The following DNAH9 variants were observed in gnomAD, a reference collection of about 807,000 sequenced individuals.
DNAH9 encodes DNAH9 variant protein.
Under a neutral mutation model 471.6 loss-of-function variants are expected in DNAH9, and 345 were observed. The observed-to-expected ratio is 0.73, with a 90% CI of 0.67 to 0.80. The LOEUF is 0.80. Among genes scored for constraint, DNAH9 ranks in the 30% least tolerant of loss-of-function variants. The pLI is 0.00. For missense variants in DNAH9, 5,407 were observed against 5,609.2 expected (o/e 0.96, Z 1.15); for synonymous variants, 2,093 against 2,123.6 (o/e 0.99, Z 0.40).
rs547085612 is a variant in DNAH9 at position 11,875,167 on chromosome 17, G to A, written c.10461G>A (p.Thr3487=). The A allele has an allele frequency of 1.1e-5, 17 of 1,611,800 alleles. No homozygotes were observed. The highest frequency in any genetic ancestry group is 3.3e-5 in the Admixed American group (2 of 59,782). The change falls in exon 53 of 69, where the codon ACG becomes ACA. Residue 3487 remains threonine, a synonymous_variant. Coordinates refer to ENST00000262442, the MANE Select transcript of DNAH9 (RefSeq NM_001372.4). ...KNKYGEDLRV[T]QIGQKGYLQI... ...AATATGGTGAAGATCTCCGGGTCAC[G>A]CAGATTGGTCAGAAAGGGTAAGTGG...
At chr17:11,655,658 A>G (rs1265990383) in intron 14 of DNAH9, among the ~76,000 whole-genome samples, 3 of 151,374 alleles carry the variant, frequency 2.0e-5, no homozygotes, top group Non-Finnish European at 4.4e-5. Context: ...ACACACACAC[A>G]CACACCATGG....
chr17:11,845,565 C>T (rs1971192352), intron 49 of DNAH9, among the ~76,000 whole-genome samples: 1 of 146,082 alleles, frequency 6.8e-6, no homozygotes, highest in Non-Finnish European at 1.5e-5. Flanking sequence ...GTTCTAGATC[C>T]CTGAGGAATC....
chr17:11,763,123 T>A lies in DNAH9; in HGVS notation c.6996-317T>A, dbSNP rs192229391. Among the ~76,000 whole-genome samples the A allele has an allele frequency of 2.2e-3, 328 of 152,146 alleles. 13 individuals carry two copies. The highest frequency in any genetic ancestry group is 3.4e-4 in the Non-Finnish European group (23 of 68,010). ...GAAAAAGTTACTTGTTGCAGCCACCTGTGTTCCCCAGGTACTGAGAGGGGA... is the reference window on the plus strand; with the variant it reads ...GAAAAAGTTACTTGTTGCAGCCACCAGTGTTCCCCAGGTACTGAGAGGGGA... On this transcript the variant is annotated intron_variant, in intron 35 of 68. Coordinates refer to ENST00000262442, the MANE Select transcript of DNAH9 (RefSeq NM_001372.4).
chr17:11,909,951 G>A (rs780764824), intron 61 of DNAH9, among the ~76,000 whole-genome samples: 2 of 152,088 alleles, frequency 1.3e-5, no homozygotes, highest in Admixed American at 6.6e-5. Flanking sequence ...TTTACTTTCT[G>A]TCTCTAAATA....
intron 30 of DNAH9, among the ~76,000 whole-genome samples, chr17:11,743,882 T>C (rs2150838444): frequency 1.3e-5 from 2 of 150,366 alleles, no homozygotes; most frequent in Non-Finnish European, 1.5e-5. Context: ...CAGGGTGGAG[T>C]GCAGTGGCGT....
chr17:11,832,872 T>A (rs1305044792), intron 48 of DNAH9, among the ~76,000 whole-genome samples: 1 of 152,216 alleles, frequency 6.6e-6, no homozygotes, highest in Non-Finnish European at 1.5e-5. Context: ...TACAAATAGC[T>A]TCTTTACTTT....
intron 48 of DNAH9, among the ~76,000 whole-genome samples, chr17:11,826,109 G>A (rs920258093): frequency 1.3e-5 from 2 of 152,186 alleles, no homozygotes; most frequent in African/African-American, 2.4e-5. Flanking sequence ...AGAAGGATGT[G>A]TGCAATCTGT....
At chr17:11,610,315 T>C in intron 2 of DNAH9, 81 bp from the exon 3 acceptor site, 1 of 1,176,520 alleles carries the variant, frequency 8.5e-7, no homozygotes, top group Non-Finnish European at 1.2e-6. Context: ...GGATTCTGTC[T>C]TGGGGTACAC....
chr17:11,734,418 T>C (rs1232855942), intron 28 of DNAH9, among the ~76,000 whole-genome samples: 2 of 152,218 alleles, frequency 1.3e-5, no homozygotes, highest in African/African-American at 4.8e-5. Context: ...CGGTACTTTC[T>C]AAAAACTTTC....
rs1973075259 is a variant in DNAH9, at chr17:11,892,205, A to G, written c.11283+258A>G. On this transcript the variant is annotated intron_variant, in intron 58 of 68. Coordinates refer to ENST00000262442, the MANE Select transcript of DNAH9 (RefSeq NM_001372.4). The surrounding 1 kb of genome is among the most constrained non-coding windows in gnomAD (Gnocchi z 4.3). ...TGGAAGATCTAAGATCTTCCTCAGC[A>G]CAGCACTCCAGCAGCCACTACCAAT... 6.6e-6 allele frequency among the ~76,000 whole-genome samples: 1 copy of G among 152,166 alleles called. No homozygotes were observed. Among genetic ancestry groups the G allele is most frequent in the Non-Finnish European group, 1.5e-5 (1 of 68,030 alleles).
rs768467944 is a variant in DNAH9 at position 11,690,413 on chromosome 17, G to A, written c.4591G>A (p.Asp1531Asn). ...HLESIFTGSEDIRAQLPQDSK... is the reference protein window; with the variant it reads ...HLESIFTGSENIRAQLPQDSK... ...GGAAAGCATATTCACTGGATCTGAA[G>A]ATATTCGGGCACAGCTACCCCAGGT... Residue 1531 changes from aspartate (D) to asparagine (N), a missense_variant, in exon 20 of 69, where the codon GAT becomes AAT. Transcript: ENST00000262442. The A allele has an allele frequency of 6.2e-7, 1 of 1,613,846 alleles. No homozygotes were observed. The highest frequency in any genetic ancestry group is 2.2e-5 in the East Asian group (1 of 44,884).
At chr17:11,787,131 C>A (rs970069266) in intron 41 of DNAH9, among the ~76,000 whole-genome samples, 2 of 152,160 alleles carry the variant, frequency 1.3e-5, no homozygotes, top group Non-Finnish European at 2.9e-5. Flanking sequence ...GGTAGCCCAC[C>A]GGGCCAGAGT....
In DNAH9 at chr17:11,635,329, G is replaced by A. The variant is rs529932174; in HGVS notation, c.1636-1305G>A. ...TTACAGGCACACGCCACCATGACTC[G>A]CTAATTTTTTTTTTTTTTTTTTTTT... On this transcript the variant is annotated intron_variant, in intron 8 of 68. Coordinates refer to ENST00000262442, the MANE Select transcript of DNAH9 (RefSeq NM_001372.4). 8.6e-5 allele frequency among the ~76,000 whole-genome samples: 12 copies of A among 140,250 alleles called. No individual in the cohort carries two copies. In the East Asian group the frequency reaches 2.3e-3, roughly 27 times the overall value. 92.0% of individuals were successfully genotyped at this position (140,250 alleles called of 152,430 possible).
chr17:11,773,838 G>C (rs1245186269), intron 38 of DNAH9, among the ~76,000 whole-genome samples: 1 of 152,194 alleles, frequency 6.6e-6, no homozygotes, highest in Non-Finnish European at 1.5e-5. Flanking sequence ...CCTTATGAGT[G>C]CAGCTAATAA....
chr17:11,759,952 C>G (rs1474085034), intron 35 of DNAH9, among the ~76,000 whole-genome samples: 2 of 152,114 alleles, frequency 1.3e-5, no homozygotes, highest in Non-Finnish European at 2.9e-5. Context: ...TCCCAAAGTG[C>G]TGGGATTACA....
At chr17:11,693,204 C>T (rs1365035954) in intron 20 of DNAH9, among the ~76,000 whole-genome samples, 5 of 148,172 alleles carry the variant, frequency 3.4e-5, no homozygotes, top group Admixed American at 1.4e-4. Flanking sequence ...TGAGCCACCG[C>T]GCCCAGCTTA....
intron 19 of DNAH9, 24 bp downstream of exon 19, chr17:11,680,913 C>T (rs201958198): frequency 1.3e-6 from 2 of 1,588,638 alleles, no homozygotes; most frequent in African/African-American, 1.3e-5. Flanking sequence ...ACTGCTGCCT[C>T]TCTTTCTGTG....
chr17:11,763,675 T>C, intron 36 of DNAH9, 61 bp downstream of exon 36: 1 of 1,499,912 alleles, frequency 6.7e-7, no homozygotes, highest in Non-Finnish European at 9.1e-7. Flanking sequence ...AAACTGATCC[T>C]TTAGCAAAGA....
At chr17:11,903,649 G>A (rs1000948411) in intron 60 of DNAH9, among the ~76,000 whole-genome samples, 3 of 152,040 alleles carry the variant, frequency 2.0e-5, no homozygotes, top group African/African-American at 2.4e-5. Flanking sequence ...GGTGGCTCAC[G>A]CCTGTAATCC....
Sources: allele counts gnomAD v4.1 joint callset (sites outside exome capture counted in the v4.1 genomes callset), GRCh38; gene constraint gnomAD v4.1.1; non-coding constraint Gnocchi (gnomAD v3.1); transcripts MANE v1.5; gene names NCBI Gene and HGNC (gene_info 2026-07-23, HGNC 2026-07-21).